The following RSPO2 variants were observed in gnomAD, a reference collection of about 807,000 sequenced individuals.
RSPO2 encodes R-spondin-2.
In RSPO2, 14 loss-of-function variants were observed where a neutral mutation model predicts 30.9. The ratio of observed to expected loss-of-function variants is 0.45; its 90% CI spans 0.30 to 0.71. The LOEUF (loss-of-function observed/expected upper bound fraction) is 0.71. Among genes scored for constraint, RSPO2 ranks in the 30% least tolerant of loss-of-function variants. The pLI is 0.08. For missense variants in RSPO2, 264 were observed against 301.9 expected (o/e 0.87, Z 0.93); for synonymous variants, 107 against 96.4 (o/e 1.11, Z -0.64).
chr8:107,939,473 ATTATC>A (rs1436047712), intron 5 of RSPO2, among the ~76,000 whole-genome samples: 4 of 105,068 alleles, frequency 3.8e-5, no homozygotes, highest in African/African-American at 1.2e-4. Flanking sequence ...AATAAATTAA[ATTATC>A]TTTTTTTTTT....
intron 2 of RSPO2, among the ~76,000 whole-genome samples, chr8:108,007,166 G>A (rs1254211614): frequency 6.6e-6 from 1 of 152,040 alleles, no homozygotes; most frequent in Non-Finnish European, 1.5e-5. Context: ...GTTTAGTCTT[G>A]TTTAATTTAG....
At chr8:107,954,240 C>T (rs1813341081) in intron 5 of RSPO2, among the ~76,000 whole-genome samples, 1 of 152,208 alleles carries the variant, frequency 6.6e-6, no homozygotes, top group Non-Finnish European at 1.5e-5. Flanking sequence ...GACATTTTGT[C>T]TTGTACATGA....
chr8:107,983,495 T>A, intron 3 of RSPO2: 1 of 1,598,110 alleles, frequency 6.3e-7, no homozygotes, highest in African/African-American at 1.3e-5. Context: ...GAGAAATGTC[T>A]GCCTGAGATT....
At chr8:108,004,680 T>C (rs902180624) in intron 2 of RSPO2, among the ~76,000 whole-genome samples, 9 of 152,234 alleles carry the variant, frequency 5.9e-5, no homozygotes, top group African/African-American at 1.9e-4. Context: ...TGTGTATGTA[T>C]ATGTAGCCAG....
chr8:108,032,359 G>A (rs2443780), intron 2 of RSPO2, among the ~76,000 whole-genome samples: 1 of 151,890 alleles, frequency 6.6e-6, no homozygotes, highest in East Asian at 1.9e-4. Context: ...AACTCCTTGA[G>A]AGCAAACACT....
intron 5 of RSPO2, among the ~76,000 whole-genome samples, chr8:107,950,250 A>G (rs185560388): frequency 8.7e-4 from 133 of 152,322 alleles, no homozygotes; most frequent in Non-Finnish European, 7.4e-4. Context: ...ATACATACAT[A>G]TGTGATTTTC....
intron 5 of RSPO2, among the ~76,000 whole-genome samples, chr8:107,903,949 T>C (rs1586525753): frequency 6.6e-6 from 1 of 152,184 alleles, no homozygotes; most frequent in East Asian, 1.9e-4. Flanking sequence ...GTAGCAAAAG[T>C]AGTAAAAGAA....
intron 5 of RSPO2, among the ~76,000 whole-genome samples, chr8:107,905,092 A>C (rs1384689557): frequency 6.6e-6 from 1 of 152,080 alleles, no homozygotes; most frequent in Non-Finnish European, 1.5e-5. Context: ...AGCGGTGCAA[A>C]TGCCAGCTCC....
chr8:107,976,669 GT>G (rs1814224082), intron 3 of RSPO2, among the ~76,000 whole-genome samples: 1 of 152,150 alleles, frequency 6.6e-6, no homozygotes, highest in South Asian at 2.1e-4. Context: ...TTCACTCATT[GT>G]TAAAGAGTAA....
intron 5 of RSPO2, among the ~76,000 whole-genome samples, chr8:107,902,410 C>T (rs1811506687): frequency 6.6e-6 from 1 of 152,134 alleles, no homozygotes; most frequent in Non-Finnish European, 1.5e-5. Context: ...CAGTTTTGTG[C>T]TCTTCATCCT....
chr8:108,003,521 C>T (rs1016083685), intron 2 of RSPO2, among the ~76,000 whole-genome samples: 5 of 151,308 alleles, frequency 3.3e-5, no homozygotes, highest in African/African-American at 1.2e-4. Flanking sequence ...GTTATTTTGA[C>T]ATGCTTTGTT....
chr8:108,019,729 G>A (rs1275500648), intron 2 of RSPO2, among the ~76,000 whole-genome samples: 2 of 152,146 alleles, frequency 1.3e-5, no homozygotes, highest in African/African-American at 2.4e-5. Flanking sequence ...AACTGCCAAA[G>A]CACCTGCTGA....
Position 108,022,794 on chromosome 8 carries a change from G to A in RSPO2, c.95-33550C>T, listed in dbSNP as rs551602506. On this transcript the variant is annotated intron_variant, in intron 2 of 5. Transcript: ENST00000276659. ...TACAAAATTAGCCGGGCGTGGTGGC[G>A]CATGCCTGTAATCTCAGCTACTCAG... Among the ~76,000 whole-genome samples, 22 of 151,876 alleles carry A rather than the reference G, an allele frequency of 1.4e-4. No individual in the cohort carries two copies. The East Asian group carries it at 3.1e-3, about 22-fold the overall frequency.
intron 5 of RSPO2, among the ~76,000 whole-genome samples, chr8:107,912,658 G>A (rs1239820591): frequency 6.6e-6 from 1 of 152,170 alleles, no homozygotes; most frequent in Non-Finnish European, 1.5e-5. Flanking sequence ...AAGAGACTAA[G>A]AAAATTGCAG....
At chr8:107,916,070 G>C (rs1263330076) in intron 5 of RSPO2, among the ~76,000 whole-genome samples, 6 of 152,106 alleles carry the variant, frequency 3.9e-5, no homozygotes. Context: ...ATTTATATGT[G>C]TTGTATATGT....
At chr8:107,977,390 G>A (rs1814253833) in intron 3 of RSPO2, among the ~76,000 whole-genome samples, 1 of 152,166 alleles carries the variant, frequency 6.6e-6, no homozygotes, top group Non-Finnish European at 1.5e-5. Flanking sequence ...CTCTGGCGGT[G>A]CAATCTTGCA....
intron 3 of RSPO2, among the ~76,000 whole-genome samples, chr8:107,963,441 T>C (rs1238065248): frequency 7.1e-6 from 1 of 140,036 alleles, no homozygotes; most frequent in Admixed American, 8.1e-5. Context: ...GGAGGATCAC[T>C]TGAGCCCAGA....
intron 2 of RSPO2, among the ~76,000 whole-genome samples, chr8:108,079,193 T>TA (rs1250866370): frequency 6.6e-6 from 1 of 151,974 alleles, no homozygotes; most frequent in Non-Finnish European, 1.5e-5. Flanking sequence ...GAGAGAAAAA[T>TA]AAGAGTTATT....
At chr8:108,076,255 A>T (rs775051982) in intron 2 of RSPO2, among the ~76,000 whole-genome samples, 3 of 152,246 alleles carry the variant, frequency 2.0e-5, no homozygotes, top group Non-Finnish European at 4.4e-5. Context: ...GGCTGTGGTC[A>T]GATGGTGGGG....
Sources: allele counts gnomAD v4.1 joint callset (sites outside exome capture counted in the v4.1 genomes callset), GRCh38; gene constraint gnomAD v4.1.1; transcripts MANE v1.5; gene names NCBI Gene and HGNC (gene_info 2026-07-23, HGNC 2026-07-21).